NPLOC4: variants seen among roughly 807,000 people sequenced by gnomAD.
The protein encoded by NPLOC4 is NPL4 homolog, ubiquitin recognition factor, also known as nuclear protein localization protein 4 homolog.
Under a neutral mutation model 80.6 loss-of-function variants are expected in NPLOC4, and 18 were observed. The ratio of observed to expected loss-of-function variants is 0.22; its 90% CI spans 0.15 to 0.33. The LOEUF (loss-of-function observed/expected upper bound fraction) is 0.33, where lower values mean the gene tolerates loss of function less well. Among genes scored for constraint, NPLOC4 ranks in the 10% least tolerant of loss-of-function variants. The pLI is 1.00. For missense variants in NPLOC4, 540 were observed against 786.1 expected (o/e 0.69, Z 3.74); for synonymous variants, 313 against 301.5 (o/e 1.04, Z -0.39).
chr17:81,597,513 G>A lies in NPLOC4; in HGVS notation c.922-197C>T, dbSNP rs574348502. On this transcript the variant is annotated intron_variant, in intron 9 of 16. Transcript: ENST00000331134. ...AAAATACAGAAATTAGGCCGGGTGC[G>A]GTGGCTCACGCCTGTAATCCCAGCA... Among the ~76,000 whole-genome samples the A allele has an allele frequency of 4.6e-4, 70 of 152,146 alleles. No homozygotes were observed. The South Asian group carries it at 0.012, about 26-fold the overall frequency.
chr17:81,633,923 G>A (rs2035998290), intron 1 of NPLOC4, among the ~76,000 whole-genome samples: 1 of 151,116 alleles, frequency 6.6e-6, no homozygotes, highest in Non-Finnish European at 1.5e-5. Flanking sequence ...CTGGAGTGCA[G>A]TGGTGCGATC....
chr17:81,602,726 C>T (rs1370312048), intron 8 of NPLOC4, among the ~76,000 whole-genome samples: 1 of 145,900 alleles, frequency 6.9e-6, no homozygotes, highest in Non-Finnish European at 1.5e-5. Context: ...AAAAAAAAAT[C>T]AAACTTCAGG....
chr17:81,634,693 C>T (rs1273312633), intron 1 of NPLOC4, among the ~76,000 whole-genome samples: 1 of 151,562 alleles, frequency 6.6e-6, no homozygotes, highest in African/African-American at 2.4e-5. Flanking sequence ...TTGAGCGATT[C>T]CCCTCCCTCA....
intron 12 of NPLOC4, among the ~76,000 whole-genome samples, chr17:81,576,594 T>C (rs932406298): frequency 6.6e-6 from 1 of 152,200 alleles, no homozygotes; most frequent in Non-Finnish European, 1.5e-5. Context: ...TAAGGTATCT[T>C]TGAAATCAGA....
At chr17:81,628,941 C>T (rs1456638272) in intron 2 of NPLOC4, among the ~76,000 whole-genome samples, 4 of 150,520 alleles carry the variant, frequency 2.7e-5, no homozygotes, top group African/African-American at 9.8e-5. Flanking sequence ...TGCAGTGGCG[C>T]GATCTCAGCT....
chr17:81,593,133 AATG>A (rs1315074502), intron 11 of NPLOC4, among the ~76,000 whole-genome samples: 1 of 152,230 alleles, frequency 6.6e-6, no homozygotes, highest in Non-Finnish European at 1.5e-5. Flanking sequence ...CACTACTTAC[AATG>A]ATATGAGATT....
intron 12 of NPLOC4, among the ~76,000 whole-genome samples, chr17:81,578,096 T>G (rs1333656850): frequency 2.0e-5 from 3 of 152,172 alleles, no homozygotes; most frequent in Non-Finnish European, 4.4e-5. Flanking sequence ...ATCCAATGCC[T>G]GGATTGTTGC....
At chr17:81,559,505 G>A (rs2033776651) in intron 16 of NPLOC4, 89 bp from the exon 17 acceptor site, 7 of 1,413,076 alleles carry the variant, frequency 5.0e-6, no homozygotes, top group African/African-American at 2.8e-5. Context: ...GCAGGCAGCT[G>A]AGAGCTCCCC....
intron 12 of NPLOC4, among the ~76,000 whole-genome samples, chr17:81,585,744 T>C (rs1389107522): frequency 6.7e-6 from 1 of 150,104 alleles, no homozygotes; most frequent in African/African-American, 2.5e-5. Flanking sequence ...CCCAGCACTG[T>C]GGGAGGCTGA....
At chr17:81,575,615 C>T (rs1277635152) in intron 12 of NPLOC4, among the ~76,000 whole-genome samples, 1 of 152,204 alleles carries the variant, frequency 6.6e-6, no homozygotes, top group Non-Finnish European at 1.5e-5. Flanking sequence ...TCGGCAAGGA[C>T]AGCTGGACAG....
At chr17:81,613,259 C>A in intron 4 of NPLOC4, 59 bp downstream of exon 4, 1 of 1,439,420 alleles carries the variant, frequency 6.9e-7, no homozygotes, top group Non-Finnish European at 9.4e-7. Context: ...AAATATTTCC[C>A]TTTATTCACC....
At chr17:81,592,323 T>G (rs991794914) in intron 11 of NPLOC4, among the ~76,000 whole-genome samples, 4 of 152,030 alleles carry the variant, frequency 2.6e-5, no homozygotes, top group Non-Finnish European at 4.4e-5. Context: ...TTACTTGAGT[T>G]AGAAAACCTT....
chr17:81,631,218 G>A (rs893965724), intron 1 of NPLOC4, among the ~76,000 whole-genome samples: 7 of 150,610 alleles, frequency 4.6e-5, no homozygotes, highest in Non-Finnish European at 7.4e-5. Flanking sequence ...AAGCAATAAA[G>A]GTCTTTAATG....
At position 81,615,222 on chromosome 17, in the gene NPLOC4, C is replaced by A. The variant is rs192525061; in HGVS notation, c.210-1728G>T. On this transcript the variant is annotated intron_variant, in intron 3 of 16. Coordinates refer to ENST00000331134, the MANE Select transcript of NPLOC4 (RefSeq NM_017921.4). The stretch of plus-strand genomic sequence containing the variant: ...TTAAGCGATTCTCCTGCCTCAGCCT[C>A]CCAAGTAGCTGGGATTACAGACATG... Among the ~76,000 whole-genome samples, 72 of 151,764 alleles carry A rather than the reference C, an allele frequency of 4.7e-4. No individual in the cohort carries two copies. The East Asian group carries it at 9.9e-3, about 21-fold the overall frequency.
At chr17:81,630,943 C>A (rs937158342) in intron 1 of NPLOC4, among the ~76,000 whole-genome samples, 1 of 151,994 alleles carries the variant, frequency 6.6e-6, no homozygotes, top group African/African-American at 2.4e-5. Flanking sequence ...GAGGCCAATG[C>A]GGGCAGATCA....
At chr17:81,588,809 C>T (rs1022149345) in intron 12 of NPLOC4, 135 bp downstream of exon 12, 6 of 710,118 alleles carry the variant, frequency 8.4e-6, no homozygotes, top group East Asian at 2.6e-5. Flanking sequence ...GTGACAGAAG[C>T]CTTTAGTGAC....
intron 11 of NPLOC4, among the ~76,000 whole-genome samples, chr17:81,593,276 A>C (rs958236225): frequency 1.3e-5 from 2 of 151,956 alleles, no homozygotes; most frequent in Admixed American, 6.6e-5. Context: ...CTGGGTGGGG[A>C]GCTGCTGAGC....
intron 15 of NPLOC4, 125 bp from the exon 16 acceptor site, chr17:81,565,732 G>T: frequency 2.8e-6 from 2 of 702,280 alleles, no homozygotes; most frequent in Non-Finnish European, 4.6e-6. Flanking sequence ...AATCTTACAG[G>T]CTATCACTAT....
At chr17:81,636,826 G>A (rs1398166759) in intron 1 of NPLOC4, 90 bp downstream of exon 1, 21 of 1,271,806 alleles carry the variant, frequency 1.7e-5, no homozygotes, top group Non-Finnish European at 2.1e-5. Flanking sequence ...GAGTCGCGGC[G>A]CCGGCAGGCC....
Sources: allele counts gnomAD v4.1 joint callset (sites outside exome capture counted in the v4.1 genomes callset), GRCh38; gene constraint gnomAD v4.1.1; transcripts MANE v1.5; gene names NCBI Gene and HGNC (gene_info 2026-07-23, HGNC 2026-07-21).